CFAP44: variants seen among roughly 807,000 people sequenced by gnomAD.
CFAP44 encodes the protein cilia and flagella associated protein 44, also known as cilia- and flagella-associated protein 44.
A neutral mutation model predicts 216.2 loss-of-function variants in CFAP44; 134 were observed. The observed-to-expected ratio is 0.62, with a 90% CI of 0.54 to 0.72. The LOEUF is 0.72. Ranked by LOEUF, CFAP44 falls within the 30% of genes least tolerant of loss-of-function variation. The probability of loss-of-function intolerance (pLI) is 0.00; values close to 1 mark genes in which losing one functional copy is unlikely to be tolerated. For synonymous variants in CFAP44, 700 were observed against 727.6 expected (o/e 0.96, Z 0.61); for missense variants, 2,035 against 2,182.1 (o/e 0.93, Z 1.34).
Position 113,328,696 on chromosome 3 carries a change from T to TAAAAAA in CFAP44, c.4117-883_4117-878dup, listed in dbSNP as rs58650082. 3.3e-3 allele frequency among the ~76,000 whole-genome samples: 94 copies of TAAAAAA among 28,410 alleles called. 1 individual carries two copies. Among genetic ancestry groups the TAAAAAA allele is most frequent in the Admixed American group, 4.9e-3 (9 of 1,846 alleles). 18.6% of individuals were successfully genotyped at this position (28,410 alleles called of 152,430 possible). The stretch of plus-strand genomic sequence containing the variant: ...AACTACCAGAGAAATTTAGAGAGCT[T>TAAAAAA]AAAAAAAAAAAAAAAAAAAAAAAAA... On this transcript the variant is annotated intron_variant, in intron 26 of 34. Transcript: ENST00000393845.
intron 22 of CFAP44, among the ~76,000 whole-genome samples, chr3:113,356,257 TTTAA>T (rs1439272932): frequency 1.3e-5 from 2 of 151,270 alleles, no homozygotes; most frequent in African/African-American, 2.4e-5. Flanking sequence ...ATATTTATTA[TTTAA>T]TTATTATTTA....
At chr3:113,441,020 A>T (rs1935348407) in intron 1 of CFAP44, among the ~76,000 whole-genome samples, 1 of 152,250 alleles carries the variant, frequency 6.6e-6, no homozygotes, top group Non-Finnish European at 1.5e-5. Context: ...GTTTAATAAT[A>T]ACTCCATGAG....
intron 28 of CFAP44, among the ~76,000 whole-genome samples, chr3:113,324,410 T>C (rs1409221999): frequency 1.3e-5 from 2 of 152,166 alleles, no homozygotes; most frequent in Non-Finnish European, 2.9e-5. Context: ...AAAAAGAATT[T>C]TGCACTATGC....
intron 5 of CFAP44, among the ~76,000 whole-genome samples, chr3:113,417,765 G>GT (rs1420972859): frequency 6.6e-6 from 1 of 152,158 alleles, no homozygotes; most frequent in East Asian, 1.9e-4. Flanking sequence ...TGTGTTAAGT[G>GT]TAAGAGATAG....
chr3:113,379,362 G>C lies in CFAP44; in HGVS notation c.2242C>G (p.Pro748Ala). 6.2e-7 allele frequency: 1 copy of C among 1,612,856 alleles called. No homozygotes were observed. The highest frequency in any genetic ancestry group is 8.5e-7 in the Non-Finnish European group (1 of 1,179,186). The change falls in exon 17 of 35, where the codon CCC becomes GCC. Residue 748 changes from proline to alanine, a missense_variant. Pro to Ala is a conservative substitution (Grantham distance 27, BLOSUM62 -1). This residue lies in a region of CFAP44 where 1,883 missense variants were observed against 2,023.7 expected (regional missense o/e 0.93). Coordinates refer to ENST00000393845, the MANE Select transcript of CFAP44 (RefSeq NM_001164496.2). ...TAAAATCCACAGAGGATGGGAGAGG[G>C]GGTTGACGGAATAAATATTTCAGGT... ...PLPEIFIPST[P>A]SPILCGFYSE... is the part of the protein sequence containing the mutation.
intron 22 of CFAP44, among the ~76,000 whole-genome samples, chr3:113,356,650 A>T (rs898642835): frequency 6.6e-5 from 10 of 152,222 alleles, no homozygotes; most frequent in African/African-American, 1.9e-4. Context: ...ATATAAAAAC[A>T]AATGACATGA....
Position 113,290,710 on chromosome 3 carries a change from T to C in CFAP44, c.*847A>G, listed in dbSNP as rs1037238447. The C allele has an allele frequency of 6.6e-6, 1 of 152,226 alleles. No individual in the cohort carries two copies. Among genetic ancestry groups the C allele is most frequent in the Non-Finnish European group, 1.5e-5 (1 of 68,034 alleles). The allele number at this position is 152,226 out of a possible 1,614,324, so 9.4% of individuals were successfully genotyped here. A position where few individuals can be genotyped will look rare whatever the true frequency, so the allele number is the denominator to read the frequency against. On this transcript the variant is annotated 3_prime_UTR_variant, in exon 35 of 35. Coordinates refer to ENST00000393845, the MANE Select transcript of CFAP44 (RefSeq NM_001164496.2). Reference sequence around the variant, plus strand: ...GGTGATTGTTAAAGATGATCTCTAGTAAATCTATTTCATTATCTCCTCATC... The same window carrying C: ...GGTGATTGTTAAAGATGATCTCTAGCAAATCTATTTCATTATCTCCTCATC...
intron 24 of CFAP44, among the ~76,000 whole-genome samples, chr3:113,340,946 C>G (rs960807009): frequency 1.3e-5 from 2 of 152,324 alleles, no homozygotes; most frequent in Admixed American, 1.3e-4. Flanking sequence ...AGTTGGGCCA[C>G]TCGGCAGCCC....
chr3:113,410,213 A>G (rs1009578939), intron 6 of CFAP44, among the ~76,000 whole-genome samples: 2 of 152,002 alleles, frequency 1.3e-5, no homozygotes, highest in East Asian at 3.9e-4. Flanking sequence ...GGTTTGTTAC[A>G]TATGTATACA....
intron 4 of CFAP44, among the ~76,000 whole-genome samples, chr3:113,420,847 A>G (rs894385839): frequency 2.0e-5 from 3 of 152,360 alleles, no homozygotes; most frequent in South Asian, 4.1e-4. Flanking sequence ...TTTATAGCAT[A>G]TAAATATATA....
At chr3:113,310,067 C>A (rs1950023769) in intron 28 of CFAP44, among the ~76,000 whole-genome samples, 1 of 152,190 alleles carries the variant, frequency 6.6e-6, no homozygotes, top group Non-Finnish European at 1.5e-5. Flanking sequence ...CCTCACAGGG[C>A]TGTAACGAGG....
At chr3:113,435,796 T>C (rs1159987697) in intron 1 of CFAP44, among the ~76,000 whole-genome samples, 1 of 151,978 alleles carries the variant, frequency 6.6e-6, no homozygotes, top group African/African-American at 2.4e-5. Context: ...TTGTATTTTG[T>C]ACTTTGGAGG....
chr3:113,410,645 T>C (rs1462995068), intron 6 of CFAP44, among the ~76,000 whole-genome samples: 6 of 152,232 alleles, frequency 3.9e-5, no homozygotes, highest in Non-Finnish European at 7.3e-5. Context: ...TGATTTATAA[T>C]CCTTTGGGTA....
At chr3:113,315,061 A>G (rs1950074264) in intron 28 of CFAP44, among the ~76,000 whole-genome samples, 1 of 152,116 alleles carries the variant, frequency 6.6e-6, no homozygotes, top group Non-Finnish European at 1.5e-5. Context: ...TAAAAATTAA[A>G]TAACAGACAA....
rs145005916 is a variant in CFAP44, at chr3:113,292,943, T to C, written c.5374-1195A>G. Reference sequence around the variant, plus strand: ...GTGCATGGATGTGAAACATGGGAGCTGAAGCAGCTGTCATGTGACTTTGAA... The same window carrying C: ...GTGCATGGATGTGAAACATGGGAGCCGAAGCAGCTGTCATGTGACTTTGAA... On this transcript the variant is annotated intron_variant, in intron 34 of 34. Coordinates refer to ENST00000393845, the MANE Select transcript of CFAP44 (RefSeq NM_001164496.2). Among the ~76,000 whole-genome samples the C allele has an allele frequency of 3.3e-5, 5 of 152,304 alleles. No homozygotes were observed. In the East Asian group the frequency reaches 9.6e-4, roughly 29 times the overall value.
In CFAP44 at chr3:113,294,946, C is replaced by T. The variant is rs1576532933; in HGVS notation, c.5239-125G>A. ...CAATGTGCCCATATGAAAATATAAT[C>T]AGAAGCCAATATGAAAATGCAACAC... On this transcript the variant is annotated intron_variant, in intron 33 of 34. Transcript: ENST00000393845. 2.7e-5 allele frequency: 32 copies of T among 1,167,026 alleles called. No individual in the cohort carries two copies. In the East Asian group the frequency reaches 8.3e-4, roughly 30 times the overall value. 72.3% of individuals were successfully genotyped at this position (1,167,026 alleles called of 1,614,324 possible).
chr3:113,291,513 G>T lies in CFAP44; in HGVS notation c.*44C>A. On this transcript the variant is annotated 3_prime_UTR_variant, in exon 35 of 35. Coordinates refer to ENST00000393845, the MANE Select transcript of CFAP44 (RefSeq NM_001164496.2). ...GTGATGAGGAGACAGAACTTCCAGTGAGTTATGTCAGAAATCTTGTATGGG... is the reference window on the plus strand; with the variant it reads ...GTGATGAGGAGACAGAACTTCCAGTTAGTTATGTCAGAAATCTTGTATGGG... 1 of 1,517,928 alleles carries T rather than the reference G, an allele frequency of 6.6e-7. No individual in the cohort carries two copies. The highest frequency in any genetic ancestry group is 8.8e-7 in the Non-Finnish European group (1 of 1,132,506). 94.0% of individuals were successfully genotyped at this position (1,517,928 alleles called of 1,614,324 possible). A position where few individuals can be genotyped will look rare whatever the true frequency, so the allele number is the denominator to read the frequency against.
At chr3:113,375,667 AC>A (rs1368044302) in intron 17 of CFAP44, among the ~76,000 whole-genome samples, 1 of 152,062 alleles carries the variant, frequency 6.6e-6, no homozygotes, top group East Asian at 1.9e-4. Flanking sequence ...AGAAACTAAC[AC>A]CTTTTAACCA....
In CFAP44 at chr3:113,289,386, C is replaced by G. The variant is rs1346533255; in HGVS notation, c.*2171G>C. On this transcript the variant is annotated 3_prime_UTR_variant, in exon 35 of 35. Coordinates refer to ENST00000393845, the MANE Select transcript of CFAP44 (RefSeq NM_001164496.2). ...ATGCACAGCAAGTCCTGATGTGGCT[C>G]TTCTGTAGACTGTAGGTCCATTCTT... is the stretch of plus-strand genomic sequence containing the variant. 1 of 152,176 alleles carries G rather than the reference C, an allele frequency of 6.6e-6. No individual in the cohort carries two copies. The highest frequency in any genetic ancestry group is 1.5e-5 in the Non-Finnish European group (1 of 68,040). 9.4% of individuals were successfully genotyped at this position (152,176 alleles called of 1,614,324 possible). A position where few individuals can be genotyped will look rare whatever the true frequency, so the allele number is the denominator to read the frequency against.
Sources: gnomAD v4.1 joint callset for allele counts (sites outside exome capture counted in the v4.1 genomes callset) on GRCh38, gnomAD v4.1.1 for gene constraint, gnomAD v4.1.1 regional missense constraint, MANE v1.5 for transcripts, NCBI Gene and HGNC (gene_info 2026-07-23, HGNC 2026-07-21) for gene names.